Variants in SDC3 observed in about 807,000 individuals in gnomAD.
SDC3 encodes the protein syndecan-3.
Under a neutral mutation model 24.4 loss-of-function variants are expected in SDC3, and 13 were observed. The observed-to-expected ratio is 0.53, with a 90% confidence interval of 0.35 to 0.85. The LOEUF (loss-of-function observed/expected upper bound fraction) is 0.85, where lower values mean the gene tolerates loss of function less well. Ranked by LOEUF, SDC3 falls within the 40% of genes least tolerant of loss-of-function variation. The pLI, the probability that SDC3 is intolerant of heterozygous loss-of-function variation, is 0.01. For missense variants in SDC3, 571 were observed against 584.5 expected (o/e 0.98, Z 0.24); for synonymous variants, 295 against 260.9 (o/e 1.13, Z -1.26).
At chr1:30,895,367 C>A (rs965910202) in intron 1 of SDC3, among the ~76,000 whole-genome samples, 1 of 152,222 alleles carries the variant, frequency 6.6e-6, no homozygotes, top group African/African-American at 2.4e-5. Flanking sequence ...TGAGCTCCCT[C>A]TGGATCTGAG....
rs139509747 is a variant in SDC3, at chr1:30,876,998, G to A, written c.424C>T (p.Pro142Ser). The change falls in exon 3 of 5, where the codon CCC (proline) becomes TCC (serine). Residue 142 changes from proline to serine, a missense_variant. By Grantham distance (74) the Pro-to-Ser change is moderately conservative. Coordinates refer to ENST00000339394, the MANE Select transcript of SDC3 (RefSeq NM_014654.4). ...TCCGGGACTTCTGTCACCACCAGGG[G>A]GCTGGTGGCTGGCTCCAGGGTGGGG... ...ERPTLEPATSPLVVTEVPEEP... is the reference protein window; with the variant it reads ...ERPTLEPATSSLVVTEVPEEP... 5.0e-6 allele frequency: 8 copies of A among 1,613,180 alleles called. No individual in the cohort carries two copies. Among genetic ancestry groups the A allele is most frequent in the South Asian group, 1.1e-5 (1 of 91,068 alleles).
intron 1 of SDC3, among the ~76,000 whole-genome samples, chr1:30,886,017 T>C (rs942451550): frequency 1.2e-4 from 18 of 152,144 alleles, no homozygotes; most frequent in Non-Finnish European, 2.1e-4. Flanking sequence ...ACACTGCTCA[T>C]TGATGCCTGT....
At chr1:30,897,177 G>A (rs1029875344) in intron 1 of SDC3, among the ~76,000 whole-genome samples, 6 of 152,162 alleles carry the variant, frequency 3.9e-5, no homozygotes, top group Admixed American at 3.3e-4. Flanking sequence ...CATAGTACAG[G>A]GGATAGTGCC....
intron 1 of SDC3, among the ~76,000 whole-genome samples, chr1:30,907,988 C>A (rs2124349602): frequency 6.6e-6 from 1 of 152,340 alleles, no homozygotes; most frequent in African/African-American, 2.4e-5. Flanking sequence ...CACCCCAAGA[C>A]ACACCCAGCC....
chr1:30,876,425 G>A (rs998490640), intron 3 of SDC3, 127 bp downstream of exon 3: 31 of 723,398 alleles, frequency 4.3e-5, no homozygotes, highest in Non-Finnish European at 5.1e-5. Flanking sequence ...CCTGCCCCTC[G>A]CCCCCACTTT....
chr1:30,886,315 C>T (rs1639827745), intron 1 of SDC3, among the ~76,000 whole-genome samples: 1 of 152,094 alleles, frequency 6.6e-6, no homozygotes, highest in Admixed American at 6.5e-5. Context: ...GATATGTCCC[C>T]ACAAAGCTGG....
In SDC3 at chr1:30,870,605, TG is replaced by T. The variant is rs1245093915; in HGVS notation, c.*2605del. 6.6e-6 allele frequency: 1 copy of T among 152,352 alleles called. No individual in the cohort carries two copies. The highest frequency in any genetic ancestry group is 1.5e-5 in the Non-Finnish European group (1 of 68,136). 9.4% of individuals were successfully genotyped at this position (152,352 alleles called of 1,614,324 possible). A position where few individuals can be genotyped will look rare whatever the true frequency, so the allele number is the denominator to read the frequency against. On this transcript the variant is annotated 3_prime_UTR_variant, in exon 5 of 5. Transcript: ENST00000339394. ...TCCTCATCCTCAGGAGGATAAAGCCTGGACATCTGCCTTGGGTCCAGGGATC... is the reference window on the plus strand; with the variant it reads ...TCCTCATCCTCAGGAGGATAAAGCCTGACATCTGCCTTGGGTCCAGGGATC...
rs141586982 is a variant in SDC3, at chr1:30,903,733, T to C, written c.138+4716A>G. On this transcript the variant is annotated intron_variant, in intron 1 of 4. Transcript: ENST00000339394. ...TACTAAACAGTAGCTAATGCAGACA[T>C]AATCCAGGGGGTAGGGAGGCCCCAG... Among the ~76,000 whole-genome samples the C allele has an allele frequency of 1.3e-3, 200 of 152,150 alleles. 1 individual carries two copies. Among genetic ancestry groups the C allele is most frequent in the African/African-American group, 4.7e-3 (194 of 41,494 alleles).
chr1:30,879,939 C>T (rs59119445), intron 1 of SDC3: 4,758 of 152,662 alleles, frequency 0.031, 252 homozygotes, highest in African/African-American at 0.11. Flanking sequence ...ACCCCAGAGA[C>T]ACAGCACATG....
chr1:30,900,414 C>A (rs965704554), intron 1 of SDC3, among the ~76,000 whole-genome samples: 1 of 152,202 alleles, frequency 6.6e-6, no homozygotes, highest in Non-Finnish European at 1.5e-5. Flanking sequence ...TGCAGACACC[C>A]CCCAACAATG....
intron 3 of SDC3, among the ~76,000 whole-genome samples, chr1:30,875,075 CAG>C (rs1202435862): frequency 6.6e-6 from 1 of 152,326 alleles, no homozygotes; most frequent in African/African-American, 2.4e-5. Flanking sequence ...GCACAACCTG[CAG>C]ACTATGATGG....
chr1:30,888,084 C>T (rs758639510), intron 1 of SDC3, among the ~76,000 whole-genome samples: 35 of 152,256 alleles, frequency 2.3e-4, no homozygotes, highest in African/African-American at 8.2e-4. Context: ...CATTTCTCAA[C>T]CAGGACTGGA....
At chr1:30,880,686 C>T (rs1488367008) in intron 1 of SDC3, 1 of 151,980 alleles carries the variant, frequency 6.6e-6, no homozygotes, top group Non-Finnish European at 1.5e-5. Flanking sequence ...CTCTCAGGAA[C>T]ACTACAGAGG....
chr1:30,894,159 G>A (rs1639949703), intron 1 of SDC3, among the ~76,000 whole-genome samples: 1 of 151,264 alleles, frequency 6.6e-6, no homozygotes. Flanking sequence ...TTGTGAGTGT[G>A]CGTGTGTGTG....
At chr1:30,892,518 C>T (rs1361435454) in intron 1 of SDC3, among the ~76,000 whole-genome samples, 2 of 152,182 alleles carry the variant, frequency 1.3e-5, no homozygotes, top group Non-Finnish European at 2.9e-5. Flanking sequence ...GTAGACAGTG[C>T]TTGTGGGAGA....
chr1:30,875,195 C>T (rs1639616141), intron 3 of SDC3, among the ~76,000 whole-genome samples: 1 of 152,170 alleles, frequency 6.6e-6, no homozygotes, highest in Non-Finnish European at 1.5e-5. Flanking sequence ...AAAGTGGGGG[C>T]TGTGGGAGCC....
intron 1 of SDC3, among the ~76,000 whole-genome samples, chr1:30,894,598 GGT>G (rs1172045788): frequency 1.1e-4 from 15 of 133,266 alleles, no homozygotes; most frequent in African/African-American, 2.9e-4. Flanking sequence ...CGTGTGTGTG[GGT>G]GTGTGTGGAT....
In SDC3 at chr1:30,877,026, C is replaced by T; in HGVS notation, c.396G>A (p.Glu132=). ...VGTPFEELPS[E]RPTLEPATSP... The stretch of plus-strand genomic sequence containing the variant: ...TGGTGGCTGGCTCCAGGGTGGGGCG[C>T]TCAGAGGGGAGCTCTTCAAATGGTG... The change falls in exon 3 of 5, where the codon GAG becomes GAA. Residue 132 remains glutamate (E), a synonymous_variant. Coordinates refer to ENST00000339394, the MANE Select transcript of SDC3 (RefSeq NM_014654.4). 1.9e-6 allele frequency: 3 copies of T among 1,613,822 alleles called. No homozygotes were observed. Among genetic ancestry groups the T allele is most frequent in the Non-Finnish European group, 2.5e-6 (3 of 1,179,966 alleles).
intron 3 of SDC3, among the ~76,000 whole-genome samples, chr1:30,875,078 A>T (rs969898459): frequency 6.6e-6 from 1 of 152,324 alleles, no homozygotes; most frequent in African/African-American, 2.4e-5. Context: ...CAACCTGCAG[A>T]CTATGATGGC....
Sources: gnomAD v4.1 joint callset for allele counts (sites outside exome capture counted in the v4.1 genomes callset) on GRCh38, gnomAD v4.1.1 for gene constraint, MANE v1.5 for transcripts, NCBI Gene and HGNC (gene_info 2026-07-23, HGNC 2026-07-21) for gene names.